The following ARID4B variants were observed in gnomAD, a reference collection of about 807,000 sequenced individuals.
ARID4B encodes AT-rich interactive domain-containing protein 4B.
In ARID4B, 26 loss-of-function variants were observed where a neutral mutation model predicts 147.5. That is an observed-to-expected ratio of 0.18 (90% confidence interval 0.13 to 0.24). The LOEUF (loss-of-function observed/expected upper bound fraction) is 0.24. Ranked by LOEUF, ARID4B falls within the 10% of genes least tolerant of loss-of-function variation. The pLI is 1.00. For missense variants in ARID4B, 1,179 were observed against 1,511.5 expected (o/e 0.78, Z 3.65); for synonymous variants, 512 against 507.9 (o/e 1.01, Z -0.11).
At chr1:235,306,300 G>A (rs1253999702) in intron 2 of ARID4B, among the ~76,000 whole-genome samples, 2 of 152,024 alleles carry the variant, frequency 1.3e-5, no homozygotes, top group Admixed American at 6.6e-5. Context: ...TCAGAAGATC[G>A]AGACCATCCT....
intron 2 of ARID4B, among the ~76,000 whole-genome samples, chr1:235,296,757 G>A (rs1379079483): frequency 8.2e-6 from 1 of 121,564 alleles, no homozygotes; most frequent in South Asian, 2.7e-4. Context: ...ACCTCACCCA[G>A]CCATAATTTA....
chr1:235,279,468 C>T (rs961152418), intron 2 of ARID4B, among the ~76,000 whole-genome samples: 4 of 152,078 alleles, frequency 2.6e-5, no homozygotes, highest in Non-Finnish European at 5.9e-5. Flanking sequence ...GCCATAAAGG[C>T]AGACCAATTT....
intron 2 of ARID4B, among the ~76,000 whole-genome samples, chr1:235,278,369 T>C (rs1671471703): frequency 6.6e-6 from 1 of 152,134 alleles, no homozygotes; most frequent in Non-Finnish European, 1.5e-5. Context: ...CTGCTGGAAT[T>C]TTCTGATCCC....
chr1:235,221,433 T>A, intron 14 of ARID4B, 132 bp downstream of exon 14: 1 of 565,594 alleles, frequency 1.8e-6, no homozygotes, highest in Non-Finnish European at 3.1e-6. Flanking sequence ...GAAAATACTA[T>A]CATAGAATGA....
rs1165035004 is a variant in ARID4B at position 235,229,251 on chromosome 1, C to G, written c.877G>C (p.Asp293His). Residue 293 changes from aspartate to histidine, a missense_variant, in exon 11 of 24, where the codon GAT (aspartate) becomes CAT (histidine). Asp to His is a moderately conservative substitution (Grantham distance 81). This residue lies in a region of ARID4B where 159 missense variants were observed against 190.5 expected (regional missense o/e 0.83). Coordinates refer to ENST00000264183, the MANE Select transcript of ARID4B (RefSeq NM_016374.6). ...CTTACTTCTTCTTCACTGCTATTAT[C>G]CTCCTTTTCTTTTTCATCATCTTCC... is the stretch of plus-strand genomic sequence containing the variant. ...EEEDDEKEKE[D>H]NSSEEEEEIE... The G allele has an allele frequency of 3.7e-6, 6 of 1,611,242 alleles. No individual in the cohort carries two copies. Among genetic ancestry groups the G allele is most frequent in the Non-Finnish European group, 5.1e-6 (6 of 1,178,264 alleles).
At chr1:235,237,405 G>T (rs892147809) in intron 8 of ARID4B, among the ~76,000 whole-genome samples, 1 of 151,842 alleles carries the variant, frequency 6.6e-6, no homozygotes, top group Non-Finnish European at 1.5e-5. Flanking sequence ...ACTAAATGTT[G>T]GATACACAGG....
chr1:235,211,672 G>A (rs1295445014), intron 17 of ARID4B, among the ~76,000 whole-genome samples: 3 of 152,096 alleles, frequency 2.0e-5, no homozygotes, highest in African/African-American at 4.8e-5. Context: ...TCGAATTCCT[G>A]GGTTCAAGTG....
At chr1:235,289,908 T>C (rs1672221204) in intron 2 of ARID4B, among the ~76,000 whole-genome samples, 1 of 152,046 alleles carries the variant, frequency 6.6e-6, no homozygotes, top group African/African-American at 2.4e-5. Context: ...CACGCATCCA[T>C]AGTTTCAACT....
chr1:235,174,074 C>CT (rs1416998712), intron 22 of ARID4B, among the ~76,000 whole-genome samples: 4 of 151,202 alleles, frequency 2.6e-5, no homozygotes, highest in Non-Finnish European at 4.4e-5. Context: ...GGGTCTCACT[C>CT]TGTCGCCCAG....
intron 2 of ARID4B, among the ~76,000 whole-genome samples, chr1:235,288,788 C>T (rs919976581): frequency 6.6e-6 from 1 of 152,188 alleles, no homozygotes; most frequent in Non-Finnish European, 1.5e-5. Context: ...AACCCAAATT[C>T]TCCCAAGGAA....
At chr1:235,186,101 C>T (rs965013737) in intron 19 of ARID4B, among the ~76,000 whole-genome samples, 3 of 151,958 alleles carry the variant, frequency 2.0e-5, no homozygotes, top group African/African-American at 7.3e-5. Context: ...TCCTGAGTAG[C>T]TGGGACTACA....
intron 19 of ARID4B, 67 bp from the exon 20 acceptor site, chr1:235,182,860 G>T: frequency 6.8e-7 from 1 of 1,474,464 alleles, no homozygotes; most frequent in Non-Finnish European, 9.0e-7. Flanking sequence ...CTATGTGCCA[G>T]GGACTGTATA....
chr1:235,313,558 A>G (rs1674229680), intron 2 of ARID4B, among the ~76,000 whole-genome samples: 1 of 152,190 alleles, frequency 6.6e-6, no homozygotes, highest in Admixed American at 6.5e-5. Flanking sequence ...TCAGAACAGT[A>G]TTCTGATCAA....
At chr1:235,278,400 T>A (rs1671473644) in intron 2 of ARID4B, among the ~76,000 whole-genome samples, 1 of 152,084 alleles carries the variant, frequency 6.6e-6, no homozygotes, top group African/African-American at 2.4e-5. Context: ...ATGAAAAACA[T>A]TTCATGGCAT....
intron 2 of ARID4B, among the ~76,000 whole-genome samples, chr1:235,276,923 C>T (rs749764440): frequency 1.3e-5 from 2 of 150,956 alleles, no homozygotes; most frequent in Non-Finnish European, 3.0e-5. Context: ...TCGCTTGAAC[C>T]CGGGAGGTGG....
At chr1:235,242,158 G>T (rs1283296547) in intron 7 of ARID4B, among the ~76,000 whole-genome samples, 2 of 151,606 alleles carry the variant, frequency 1.3e-5, no homozygotes, top group Non-Finnish European at 2.9e-5. Flanking sequence ...TGAGGCAGGA[G>T]AATTGCCTGA....
At chr1:235,247,175 T>A (rs1284198848) in intron 6 of ARID4B, among the ~76,000 whole-genome samples, 1 of 152,164 alleles carries the variant, frequency 6.6e-6, no homozygotes, top group African/African-American at 2.4e-5. Flanking sequence ...TTTCCTGTTA[T>A]AAATAATTTC....
At chr1:235,277,144 G>A (rs1267019446) in intron 2 of ARID4B, among the ~76,000 whole-genome samples, 1 of 152,182 alleles carries the variant, frequency 6.6e-6, no homozygotes, top group Non-Finnish European at 1.5e-5. Context: ...CATTCAGGGG[G>A]CTGAGGTGAG....
chr1:235,207,549 C>T (rs1271185277), intron 17 of ARID4B, among the ~76,000 whole-genome samples: 6 of 152,128 alleles, frequency 3.9e-5, no homozygotes, highest in Non-Finnish European at 8.8e-5. Context: ...CAAGGGAAGA[C>T]TGAGTGCATT....
Sources: allele counts gnomAD v4.1 joint callset (sites outside exome capture counted in the v4.1 genomes callset), GRCh38; gene constraint gnomAD v4.1.1; regional missense constraint gnomAD v4.1.1; transcripts MANE v1.5; gene names NCBI Gene and HGNC (gene_info 2026-07-23, HGNC 2026-07-21).